PTPN11: variants seen among roughly 807,000 people sequenced by gnomAD.
PTPN11 encodes tyrosine-protein phosphatase non-receptor type 11.
A neutral mutation model predicts 78.8 loss-of-function variants in PTPN11; 6 were observed. The ratio of observed to expected loss-of-function variants is 0.08; its 90% CI spans 0.04 to 0.15. The LOEUF (loss-of-function observed/expected upper bound fraction) is 0.15, where lower values mean the gene tolerates loss of function less well. Among genes scored for constraint, PTPN11 ranks in the 10% least tolerant of loss-of-function variants. The pLI, the probability that PTPN11 is intolerant of heterozygous loss-of-function variation, is 1.00. For missense variants in PTPN11, 386 were observed against 744.8 expected, an observed-to-expected ratio of 0.52 and a Z score of 5.61; for synonymous variants, 221 against 263.5, an observed-to-expected ratio of 0.84 and a Z score of 1.56.
intron 6 of PTPN11, among the ~76,000 whole-genome samples, chr12:112,456,528 G>A (rs1019213434): frequency 6.7e-6 from 1 of 150,154 alleles, no homozygotes; most frequent in Non-Finnish European, 1.5e-5. Flanking sequence ...GCGTGATCTC[G>A]GTTTACTGCA....
intron 1 of PTPN11, among the ~76,000 whole-genome samples, chr12:112,430,541 G>A (rs1274303805): frequency 6.6e-6 from 1 of 151,826 alleles, no homozygotes; most frequent in East Asian, 1.9e-4. Flanking sequence ...CAATCCTCCC[G>A]TCTCAGCCTC....
intron 3 of PTPN11, among the ~76,000 whole-genome samples, chr12:112,452,775 T>C (rs1234918772): frequency 2.0e-5 from 3 of 152,186 alleles, no homozygotes; most frequent in Non-Finnish European, 4.4e-5. Context: ...GTGATCTTCC[T>C]GCCTTGGCCT....
At position 112,482,039 on chromosome 12, in the gene PTPN11, C is replaced by T; in HGVS notation, c.1093-35C>T. ...GTTTAGGCTTTTATTTCAGAGTTCA[C>T]AGAATTAACTTTCTTTTTTTCTGAT... On this transcript the variant is annotated intron_variant, in intron 9 of 15. Transcript: ENST00000351677. This position sits in a 1 kb window ranked among gnomAD's most constrained non-coding sequence, Gnocchi z 4.4. The T allele has an allele frequency of 1.3e-6, 2 of 1,532,548 alleles. No individual in the cohort carries two copies. Among genetic ancestry groups the T allele is most frequent in the Non-Finnish European group, 9.0e-7 (1 of 1,107,232 alleles). 94.9% of individuals were successfully genotyped at this position (1,532,548 alleles called of 1,614,324 possible).
At chr12:112,454,372 G>A (rs955806280) in intron 4 of PTPN11, among the ~76,000 whole-genome samples, 192 bp from the exon 5 acceptor site, 7 of 152,154 alleles carry the variant, frequency 4.6e-5, no homozygotes, top group African/African-American at 1.4e-4. Context: ...TGCCCGCCTT[G>A]GCCTCCCAAA....
chr12:112,439,099 C>T (rs2037841158), intron 1 of PTPN11, among the ~76,000 whole-genome samples: 1 of 152,054 alleles, frequency 6.6e-6, no homozygotes, highest in South Asian at 2.1e-4. Flanking sequence ...GTTACACCTT[C>T]CATTTTATAG....
chr12:112,453,168 T>C (rs2038101696), intron 3 of PTPN11, 27 bp from the exon 4 acceptor site: 1 of 1,590,274 alleles, frequency 6.3e-7, no homozygotes, highest in Non-Finnish European at 8.6e-7. Flanking sequence ...TAGAGCTAAA[T>C]TCTTTTTTAT....
chr12:112,424,252 A>T (rs1479366074), intron 1 of PTPN11, among the ~76,000 whole-genome samples: 2 of 152,106 alleles, frequency 1.3e-5, no homozygotes, highest in African/African-American at 2.4e-5. Flanking sequence ...TCTCGGAGTG[A>T]TTGAAGGCTA....
chr12:112,419,371 G>T lies in PTPN11; in HGVS notation c.14+246G>T, dbSNP rs965232903. On this transcript the variant is annotated intron_variant, in intron 1 of 15. Transcript: ENST00000351677. ...TTCCGGCTGCGGCAGCCCCGGGGATGCCCGTCAGGCCCGGGGCAGGTAGAG... is the reference window on the plus strand; with the variant it reads ...TTCCGGCTGCGGCAGCCCCGGGGATTCCCGTCAGGCCCGGGGCAGGTAGAG... 1.3e-5 allele frequency among the ~76,000 whole-genome samples: 2 copies of T among 152,196 alleles called. 1 individual carries two copies. The highest frequency in any genetic ancestry group is 2.9e-5 in the Non-Finnish European group (2 of 68,014).
chr12:112,467,325 A>G (rs2135887279), intron 6 of PTPN11, among the ~76,000 whole-genome samples: 1 of 152,222 alleles, frequency 6.6e-6, no homozygotes, highest in South Asian at 2.1e-4. Context: ...ATTTATAAAG[A>G]CAAGAGGTTT....
chr12:112,442,914 G>GTA (rs2037931386), intron 1 of PTPN11, among the ~76,000 whole-genome samples: 1 of 113,620 alleles, frequency 8.8e-6, no homozygotes, highest in African/African-American at 3.2e-5. Context: ...GTATGTATAT[G>GTA]TATGTATTTT....
At chr12:112,466,886 T>G (rs893842869) in intron 6 of PTPN11, among the ~76,000 whole-genome samples, 1 of 151,984 alleles carries the variant, frequency 6.6e-6, no homozygotes, top group Non-Finnish European at 1.5e-5. Context: ...TCAGCCAGTT[T>G]ATTTTCTGTC....
intron 6 of PTPN11, among the ~76,000 whole-genome samples, chr12:112,461,884 A>G (rs556085893): frequency 1.8e-4 from 28 of 152,286 alleles, no homozygotes; most frequent in Admixed American, 1.3e-3. Context: ...TTACCCATGT[A>G]TCTCCTTTCT....
intron 1 of PTPN11, among the ~76,000 whole-genome samples, chr12:112,422,427 C>G (rs1258131511): frequency 6.6e-6 from 1 of 152,174 alleles, no homozygotes; most frequent in Non-Finnish European, 1.5e-5. Context: ...CTTTGTGAAA[C>G]CAACAAAGCT....
intron 2 of PTPN11, among the ~76,000 whole-genome samples, chr12:112,447,376 T>C (rs1205860476): frequency 3.3e-5 from 5 of 152,232 alleles, no homozygotes; most frequent in Non-Finnish European, 7.3e-5. Flanking sequence ...ACTGCACTTG[T>C]ACTGTGTATG....
intron 1 of PTPN11, among the ~76,000 whole-genome samples, chr12:112,432,132 C>G (rs2037722708): frequency 6.6e-6 from 1 of 152,122 alleles, no homozygotes; most frequent in Non-Finnish European, 1.5e-5. Flanking sequence ...GAAATGCAAA[C>G]TAACATGGTA....
chr12:112,431,388 C>G (rs1205499293), intron 1 of PTPN11, among the ~76,000 whole-genome samples: 2 of 152,154 alleles, frequency 1.3e-5, no homozygotes, highest in Non-Finnish European at 2.9e-5. Context: ...GAGCGAGACC[C>G]TATCTCTAAA....
intron 1 of PTPN11, among the ~76,000 whole-genome samples, chr12:112,425,436 C>A (rs1231462280): frequency 6.6e-6 from 1 of 151,774 alleles, no homozygotes; most frequent in Non-Finnish European, 1.5e-5. Context: ...TTCTTGTAAT[C>A]TGTAGAAAGT....
At chr12:112,477,283 C>T (rs1228634309) in intron 7 of PTPN11, among the ~76,000 whole-genome samples, 1 of 152,154 alleles carries the variant, frequency 6.6e-6, no homozygotes, top group Non-Finnish European at 1.5e-5. Context: ...TCCCAAAGTG[C>T]TGAAATTATA....
chr12:112,453,090 T>A, intron 3 of PTPN11, 105 bp from the exon 4 acceptor site: 1 of 997,940 alleles, frequency 1.0e-6, no homozygotes, highest in East Asian at 2.5e-5. Flanking sequence ...ATGTGTCTAC[T>A]TTTTAATTGT....
Sources: gnomAD v4.1 joint callset for allele counts (sites outside exome capture counted in the v4.1 genomes callset) on GRCh38, gnomAD v4.1.1 for gene constraint, Gnocchi (gnomAD v3.1) non-coding constraint, MANE v1.5 for transcripts, NCBI Gene and HGNC (gene_info 2026-07-23, HGNC 2026-07-21) for gene names.